The following ZNF385B variants were observed in gnomAD, a reference collection of about 807,000 sequenced individuals.
ZNF385B encodes the protein zinc finger protein 385B.
Under a neutral mutation model 39.2 loss-of-function variants are expected in ZNF385B, and 23 were observed. The observed-to-expected ratio is 0.59, with a 90% CI of 0.42 to 0.83. ZNF385B has a LOEUF of 0.83. ZNF385B is among the 40% of genes least tolerant of loss of function. The pLI is 0.00. For synonymous variants in ZNF385B, 205 were observed against 222.6 expected (o/e 0.92, Z 0.70); for missense variants, 552 against 598.9 (o/e 0.92, Z 0.82).
chr2:179,592,973 AC>A (rs1316681055), intron 3 of ZNF385B, among the ~76,000 whole-genome samples: 2 of 151,946 alleles, frequency 1.3e-5, no homozygotes, highest in African/African-American at 4.9e-5. Context: ...TAAAACCTAA[AC>A]TTTTGCAGTG....
At chr2:179,793,871 T>C (rs965390607) in intron 1 of ZNF385B, among the ~76,000 whole-genome samples, 3 of 152,242 alleles carry the variant, frequency 2.0e-5, no homozygotes, top group Non-Finnish European at 4.4e-5. Context: ...AAGAAAGTAA[T>C]GCTTTGCACA....
intron 1 of ZNF385B, among the ~76,000 whole-genome samples, chr2:179,771,909 G>A (rs186181907): frequency 6.0e-4 from 91 of 152,250 alleles, no homozygotes; most frequent in Middle Eastern, 6.8e-3. Flanking sequence ...AGGCACCATC[G>A]TACTCAATCA....
chr2:179,671,929 A>G (rs1234295546), intron 3 of ZNF385B, among the ~76,000 whole-genome samples: 2 of 152,246 alleles, frequency 1.3e-5, no homozygotes, highest in Non-Finnish European at 2.9e-5. Flanking sequence ...CAGAACTGGG[A>G]CAAAATGGCT....
intron 3 of ZNF385B, among the ~76,000 whole-genome samples, chr2:179,756,099 T>A (rs1218013159): frequency 2.6e-5 from 4 of 152,086 alleles, no homozygotes; most frequent in Non-Finnish European, 5.9e-5. Context: ...ATTTGGCATG[T>A]TTTTGTAGTG....
chr2:179,456,957 A>G (rs1363103846), intron 6 of ZNF385B, among the ~76,000 whole-genome samples: 1 of 152,142 alleles, frequency 6.6e-6, no homozygotes, highest in Non-Finnish European at 1.5e-5. Flanking sequence ...AATTTAATAC[A>G]TTTTAATGTA....
At chr2:179,771,864 A>T (rs1704030159) in intron 1 of ZNF385B, among the ~76,000 whole-genome samples, 1 of 152,346 alleles carries the variant, frequency 6.6e-6, no homozygotes, top group Non-Finnish European at 1.5e-5. Context: ...AAACATAAGA[A>T]AAGCCAATAA....
At chr2:179,585,920 T>C (rs991561926) in intron 3 of ZNF385B, 1 of 152,218 alleles carries the variant, frequency 6.6e-6, no homozygotes, top group Non-Finnish European at 1.5e-5. Flanking sequence ...AGAACACATA[T>C]ACGAACAGTT....
chr2:179,757,896 C>T (rs1703143599), intron 3 of ZNF385B, among the ~76,000 whole-genome samples: 1 of 152,114 alleles, frequency 6.6e-6, no homozygotes. Context: ...AATTCCCTGA[C>T]CCCTTGTGCT....
At chr2:179,554,110 C>T (rs1171638274) in intron 3 of ZNF385B, among the ~76,000 whole-genome samples, 1 of 149,098 alleles carries the variant, frequency 6.7e-6, no homozygotes, top group Non-Finnish European at 1.5e-5. Flanking sequence ...CAAATTTCCT[C>T]AACCTGTGCC....
At chr2:179,684,971 G>A (rs189770851) in intron 3 of ZNF385B, among the ~76,000 whole-genome samples, 226 of 152,192 alleles carry the variant, frequency 1.5e-3, no homozygotes, top group African/African-American at 4.9e-3. Flanking sequence ...ATGTCTTAAC[G>A]TTGTTAGATT....
At chr2:179,768,603 C>T (rs528927459) in intron 3 of ZNF385B, among the ~76,000 whole-genome samples, 18 of 152,136 alleles carry the variant, frequency 1.2e-4, no homozygotes, top group African/African-American at 4.3e-4. Context: ...CAAACCCTTG[C>T]TAGAGTAGAA....
At chr2:179,660,879 A>T (rs564953982) in intron 3 of ZNF385B, among the ~76,000 whole-genome samples, 1 of 152,316 alleles carries the variant, frequency 6.6e-6, no homozygotes, top group Admixed American at 6.5e-5. Flanking sequence ...TAAAATAGAA[A>T]ATAAAATGAC....
At chr2:179,769,352 G>C (rs1476926683) in intron 3 of ZNF385B, 151 bp downstream of exon 3, 4 of 1,235,690 alleles carry the variant, frequency 3.2e-6, no homozygotes, top group Non-Finnish European at 4.4e-6. Context: ...GTGACAAACA[G>C]CTCATGTATT....
chr2:179,766,909 C>G (rs1703730446), intron 3 of ZNF385B, among the ~76,000 whole-genome samples: 1 of 151,976 alleles, frequency 6.6e-6, no homozygotes, highest in Non-Finnish European at 1.5e-5. Context: ...GCCAGCCTCC[C>G]CTGTGTTACC....
chr2:179,559,549 C>T (rs188319976), intron 3 of ZNF385B, among the ~76,000 whole-genome samples: 25 of 152,280 alleles, frequency 1.6e-4, no homozygotes, highest in African/African-American at 5.3e-4. Context: ...TACTATTATA[C>T]TGACCTTGTA....
At chr2:179,546,002 C>G (rs750254645) in intron 3 of ZNF385B, among the ~76,000 whole-genome samples, 10 of 151,900 alleles carry the variant, frequency 6.6e-5, no homozygotes, top group Non-Finnish European at 1.3e-4. Flanking sequence ...TCCATTCTAA[C>G]TATATTTTTA....
chr2:179,477,358 G>A (rs1004869432), intron 6 of ZNF385B, among the ~76,000 whole-genome samples: 1 of 152,092 alleles, frequency 6.6e-6, no homozygotes, highest in Non-Finnish European at 1.5e-5. Flanking sequence ...AACGACTCTG[G>A]GTTTACACCT....
chr2:179,522,794 G>C (rs2058597769), intron 4 of ZNF385B: 1 of 324,990 alleles, frequency 3.1e-6, no homozygotes, highest in Admixed American at 4.5e-5. Flanking sequence ...ATTGAGAAAA[G>C]TATAATTCAT....
At chr2:179,698,039 C>T (rs143718379) in intron 3 of ZNF385B, among the ~76,000 whole-genome samples, 2,975 of 152,026 alleles carry the variant, frequency 0.02, 59 homozygotes, top group Admixed American at 0.03. Context: ...CAGGGCCTGT[C>T]GTGGAGTGGA....
Sources: allele counts gnomAD v4.1 joint callset (sites outside exome capture counted in the v4.1 genomes callset), GRCh38; gene constraint gnomAD v4.1.1; transcripts MANE v1.5; gene names NCBI Gene and HGNC (gene_info 2026-07-23, HGNC 2026-07-21).